Variants in MTUS2 observed in about 807,000 individuals in gnomAD.
The protein encoded by MTUS2 is microtubule associated scaffold protein 2.
MTUS2 carries 40 observed loss-of-function variants against 114.1 expected under a neutral mutation model. The ratio of observed to expected loss-of-function variants is 0.35; its 90% confidence interval spans 0.27 to 0.46. The LOEUF is 0.46. Ranked by LOEUF, MTUS2 falls within the 20% of genes least tolerant of loss-of-function variation. The pLI is 1.00. For missense variants in MTUS2, 1,679 were observed against 1,705.4 expected, an observed-to-expected ratio of 0.98 and a Z score of 0.27; for synonymous variants, 688 against 672.0, an observed-to-expected ratio of 1.02 and a Z score of -0.37.
rs1045593958 is a variant in MTUS2 at position 29,413,454 on chromosome 13, G to C, written c.3118-26529G>C. 4.3e-3 allele frequency among the ~76,000 whole-genome samples: 593 copies of C among 137,378 alleles called. 5 individuals carry two copies. The highest frequency in any genetic ancestry group is 0.016 in the African/African-American group (565 of 36,024). The allele number at this position is 137,378 out of a possible 152,430, so 90.1% of individuals were successfully genotyped here. A position where few individuals can be genotyped will look rare whatever the true frequency, so the allele number is the denominator to read the frequency against. On this transcript the variant is annotated intron_variant, in intron 8 of 15. Transcript: ENST00000612955. ...GCAACAAAAGCCAAAATTGACAAAT[G>C]GGATCTAATTAAACTAAAGAGCTTC... is the stretch of plus-strand genomic sequence containing the variant.
chr13:28,918,729 G>GT (rs879822559), intron 2 of MTUS2, among the ~76,000 whole-genome samples: 4 of 151,818 alleles, frequency 2.6e-5, no homozygotes, highest in Admixed American at 2.0e-4. Flanking sequence ...TTTGGTTTTT[G>GT]TTTTTTGCTT....
chr13:29,041,795 T>G (rs530724096), intron 4 of MTUS2, among the ~76,000 whole-genome samples: 71 of 152,354 alleles, frequency 4.7e-4, no homozygotes, highest in African/African-American at 1.7e-3. Context: ...GCAGTGCTAC[T>G]GATCTGTGTA....
chr13:29,013,128 T>A (rs961127383), intron 2 of MTUS2, among the ~76,000 whole-genome samples: 7 of 152,238 alleles, frequency 4.6e-5, no homozygotes, highest in African/African-American at 1.4e-4. Flanking sequence ...ATACATTGTC[T>A]TTTCTGTGAT....
At chr13:29,482,040 C>T (rs1327377969) in intron 10 of MTUS2, 1 of 152,196 alleles carries the variant, frequency 6.6e-6, no homozygotes, top group African/African-American at 2.4e-5. Context: ...TGAATACCAG[C>T]TTGTTCTGTG....
intron 5 of MTUS2, among the ~76,000 whole-genome samples, chr13:29,225,543 T>C (rs1418025632): frequency 6.6e-6 from 1 of 152,190 alleles, no homozygotes; most frequent in Non-Finnish European, 1.5e-5. Context: ...GAAAGATTAA[T>C]TTAAGAAAGA....
rs911263172 is a variant in MTUS2, at chr13:29,345,177, A to C, written c.2906-14085A>C. Among the ~76,000 whole-genome samples the C allele has an allele frequency of 1.4e-4, 21 of 152,070 alleles. 1 individual carries two copies. Among genetic ancestry groups the C allele is most frequent in the African/African-American group, 3.9e-4 (16 of 41,512 alleles). On this transcript the variant is annotated intron_variant, in intron 7 of 15. Transcript: ENST00000612955. ...CGATAAATTTCCCGGGTGTTCTTTG[A>C]GCTTCTTGTGTTTGGCTATCTAGAT...
chr13:29,329,100 A>G (rs185077864), intron 7 of MTUS2, among the ~76,000 whole-genome samples: 7 of 152,162 alleles, frequency 4.6e-5, no homozygotes, highest in Non-Finnish European at 1.0e-4. Context: ...AGTGGTAGAT[A>G]ATTACAGATT....
At chr13:29,028,225 C>T (rs1886651854) in intron 3 of MTUS2, among the ~76,000 whole-genome samples, 1 of 152,156 alleles carries the variant, frequency 6.6e-6, no homozygotes, top group African/African-American at 2.4e-5. Context: ...GTGGCATGTG[C>T]CTGTAGTCCC....
At chr13:29,087,919 C>T (rs1889763994) in intron 4 of MTUS2, among the ~76,000 whole-genome samples, 2 of 151,910 alleles carry the variant, frequency 1.3e-5, no homozygotes, top group Non-Finnish European at 1.5e-5. Flanking sequence ...ATTAGCCAGG[C>T]GTGGTGGTGG....
At chr13:29,050,970 A>G (rs1887867740) in intron 4 of MTUS2, among the ~76,000 whole-genome samples, 1 of 152,212 alleles carries the variant, frequency 6.6e-6, no homozygotes, top group Admixed American at 6.5e-5. Context: ...TGATGTACAG[A>G]TCACATGGGG....
At chr13:29,067,226 G>A (rs1015841751) in intron 4 of MTUS2, among the ~76,000 whole-genome samples, 1 of 152,142 alleles carries the variant, frequency 6.6e-6, no homozygotes, top group Admixed American at 6.5e-5. Context: ...CATGGGAATA[G>A]ATGAGCAGAT....
At chr13:29,314,024 T>C (rs1899884402) in intron 6 of MTUS2, among the ~76,000 whole-genome samples, 1 of 152,060 alleles carries the variant, frequency 6.6e-6, no homozygotes, top group Non-Finnish European at 1.5e-5. Context: ...ACCTCATGTA[T>C]ACCTTTCTTC....
chr13:29,289,785 G>T (rs1186084161), intron 6 of MTUS2, among the ~76,000 whole-genome samples: 1 of 152,104 alleles, frequency 6.6e-6, no homozygotes, highest in Non-Finnish European at 1.5e-5. Context: ...ATTTCATAAA[G>T]GCTATTTGAG....
At chr13:29,432,457 A>G (rs1877074011) in intron 8 of MTUS2, among the ~76,000 whole-genome samples, 1 of 152,228 alleles carries the variant, frequency 6.6e-6, no homozygotes, top group Admixed American at 6.5e-5. Flanking sequence ...CTTTTTAACA[A>G]TACGAAATAT....
chr13:29,291,238 C>A (rs1898700522), intron 6 of MTUS2, among the ~76,000 whole-genome samples: 1 of 152,152 alleles, frequency 6.6e-6, no homozygotes, highest in Non-Finnish European at 1.5e-5. Flanking sequence ...CGTCTCTCCA[C>A]TGTTGTTAAC....
Position 29,026,675 on chromosome 13 carries a change from C to T in MTUS2, c.1977C>T (p.Asp659=), listed in dbSNP as rs778158356. The T allele has an allele frequency of 7.7e-5, 124 of 1,613,854 alleles. No homozygotes were observed. Among genetic ancestry groups the T allele is most frequent in the Non-Finnish European group, 9.4e-5 (111 of 1,179,892 alleles). The change falls in exon 3 of 16, where the codon GAC becomes GAT. Residue 659 remains aspartate, a synonymous_variant. Transcript: ENST00000612955. ...ATCCCCAGGCCCTGGGCCAGGTGGA[C>T]GCCTCGCTGGTTCCAGTGGGGCTTC... is the stretch of plus-strand genomic sequence containing the variant. ...RRNPQALGQV[D]ASLVPVGLPY...
At chr13:29,240,291 T>C (rs1482508836) in intron 5 of MTUS2, among the ~76,000 whole-genome samples, 4 of 152,296 alleles carry the variant, frequency 2.6e-5, no homozygotes, top group Admixed American at 2.6e-4. Flanking sequence ...ACTATGGAGA[T>C]GTTATGAACT....
intron 5 of MTUS2, among the ~76,000 whole-genome samples, chr13:29,212,978 A>T (rs1315070248): frequency 6.6e-6 from 1 of 152,160 alleles, no homozygotes; most frequent in South Asian, 2.1e-4. Context: ...CGCCTATCCC[A>T]AAACTATCCA....
chr13:29,386,560 G>C (rs565512572), intron 8 of MTUS2, among the ~76,000 whole-genome samples: 1 of 152,222 alleles, frequency 6.6e-6, no homozygotes. Flanking sequence ...TGGAAGACAT[G>C]CCTCAAGGAG....
Sources: gnomAD v4.1 joint callset for allele counts (sites outside exome capture counted in the v4.1 genomes callset) on GRCh38, gnomAD v4.1.1 for gene constraint, MANE v1.5 for transcripts, NCBI Gene and HGNC (gene_info 2026-07-23, HGNC 2026-07-21) for gene names.